Variants in DOCK4 observed in about 807,000 individuals in gnomAD.
DOCK4 encodes dedicator of cytokinesis protein 4.
Under a neutral mutation model 268.1 loss-of-function variants are expected in DOCK4, and 97 were observed. The observed-to-expected ratio is 0.36, with a 90% CI of 0.31 to 0.43. DOCK4 has a LOEUF of 0.43. DOCK4 is among the 20% of genes least tolerant of loss of function. The pLI is 1.00. For missense variants in DOCK4, 2,145 were observed against 2,455.7 expected, an observed-to-expected ratio of 0.87 and a Z score of 2.67; for synonymous variants, 954 against 887.2, an observed-to-expected ratio of 1.08 and a Z score of -1.34.
intron 8 of DOCK4, chr7:111,971,804 A>G: frequency 3.3e-6 from 1 of 299,330 alleles, no homozygotes; most frequent in East Asian, 1.0e-4. Flanking sequence ...CTTACGGGGG[A>G]TGGCTCTTTG....
chr7:111,899,256 A>T (rs1184912606), intron 15 of DOCK4, among the ~76,000 whole-genome samples: 1 of 152,232 alleles, frequency 6.6e-6, no homozygotes, highest in Non-Finnish European at 1.5e-5. Context: ...GTAAAATACA[A>T]CATCACTGTG....
chr7:111,961,227 C>T (rs1388946357), intron 8 of DOCK4, among the ~76,000 whole-genome samples: 1 of 152,156 alleles, frequency 6.6e-6, no homozygotes, highest in Admixed American at 6.5e-5. Flanking sequence ...TTGATTCCAT[C>T]TCAGCATTTT....
At chr7:111,999,357 G>A (rs1183487860) in intron 3 of DOCK4, among the ~76,000 whole-genome samples, 1 of 152,002 alleles carries the variant, frequency 6.6e-6, no homozygotes, top group East Asian at 1.9e-4. Context: ...ATATATATAT[G>A]TAGATTTTTA....
chr7:111,837,409 A>C (rs1803318552), intron 25 of DOCK4, among the ~76,000 whole-genome samples: 1 of 152,242 alleles, frequency 6.6e-6, no homozygotes, highest in African/African-American at 2.4e-5. Context: ...TAGTCAGTGC[A>C]ATAAGGCAAG....
At chr7:112,018,757 A>G (rs1057473382) in intron 1 of DOCK4, among the ~76,000 whole-genome samples, 1 of 141,012 alleles carries the variant, frequency 7.1e-6, no homozygotes, top group Non-Finnish European at 1.5e-5. Flanking sequence ...TAAAATCTTT[A>G]GAAATATTTC....
At chr7:112,181,763 G>A (rs1819065730) in intron 1 of DOCK4, among the ~76,000 whole-genome samples, 1 of 151,950 alleles carries the variant, frequency 6.6e-6, no homozygotes, top group Admixed American at 6.6e-5. Context: ...ACAGGAAGCA[G>A]GATCACAGGA....
At chr7:112,201,121 G>A (rs547632791) in intron 1 of DOCK4, among the ~76,000 whole-genome samples, 2 of 152,092 alleles carry the variant, frequency 1.3e-5, no homozygotes, top group Admixed American at 6.5e-5. Context: ...TAAGAGTAAA[G>A]GAAACACATC....
chr7:111,960,995 T>C (rs1047202940), intron 8 of DOCK4, among the ~76,000 whole-genome samples: 2 of 152,182 alleles, frequency 1.3e-5, no homozygotes, highest in Non-Finnish European at 2.9e-5. Context: ...AACATGGAAG[T>C]GCAGATATCT....
rs1413598899 is a variant in DOCK4, at chr7:111,728,623, A to G, written c.5579T>C (p.Ile1860Thr). Reference sequence around the variant, plus strand: ...CGTGCTGCACCGGCTGAGAGAAGAAATCCCACTGCTGTAGCTGCCCGACAA... The same window carrying G: ...CGTGCTGCACCGGCTGAGAGAAGAAGTCCCACTGCTGTAGCTGCCCGACAA... ...PVLSGSYSSGISSLSRCSTSE... is the reference protein window; with the variant it reads ...PVLSGSYSSGTSSLSRCSTSE... Residue 1860 changes from isoleucine to threonine, a missense_variant, in exon 53 of 53, where the codon ATT becomes ACT. Around this residue, in one of 2 missense-constraint regions of DOCK4, gnomAD observed 547 missense variants for 469.0 expected, o/e 1.17. Transcript: ENST00000428084. 8.7e-6 allele frequency: 14 copies of G among 1,613,860 alleles called. No homozygotes were observed. The highest frequency in any genetic ancestry group is 1.1e-5 in the Non-Finnish European group (13 of 1,179,896).
intron 8 of DOCK4, among the ~76,000 whole-genome samples, chr7:111,947,265 A>T (rs1051219408): frequency 1.3e-5 from 2 of 152,184 alleles, no homozygotes; most frequent in Non-Finnish European, 2.9e-5. Context: ...CCATAAACAG[A>T]TCTCTAAGGA....
At chr7:111,873,435 C>T (rs183313240) in intron 17 of DOCK4, among the ~76,000 whole-genome samples, 2 of 152,196 alleles carry the variant, frequency 1.3e-5, no homozygotes, top group Admixed American at 6.5e-5. Flanking sequence ...GTGCCGAGCA[C>T]GCGCAGGGCA....
chr7:112,000,837 T>C (rs1011355493), intron 2 of DOCK4, among the ~76,000 whole-genome samples: 10 of 152,378 alleles, frequency 6.6e-5, no homozygotes, highest in East Asian at 1.9e-4. Context: ...TTGCTTCTTA[T>C]TGTCTGTTTA....
intron 1 of DOCK4, among the ~76,000 whole-genome samples, chr7:112,056,975 A>C (rs1805871983): frequency 6.6e-6 from 1 of 152,214 alleles, no homozygotes; most frequent in Non-Finnish European, 1.5e-5. Flanking sequence ...AAAATAAGCT[A>C]CTTAGGTGAA....
At chr7:112,200,736 A>AC (rs1820854374) in intron 1 of DOCK4, among the ~76,000 whole-genome samples, 1 of 118,922 alleles carries the variant, frequency 8.4e-6, no homozygotes, top group Admixed American at 8.3e-5. Context: ...AAAAAAAAAA[A>AC]AACAAAAAAA....
At chr7:111,831,982 T>C (rs1231222487) in intron 26 of DOCK4, among the ~76,000 whole-genome samples, 1 of 152,192 alleles carries the variant, frequency 6.6e-6, no homozygotes, top group Non-Finnish European at 1.5e-5. Context: ...GTGCTAGGAA[T>C]GGTCTGGAAT....
intron 1 of DOCK4, among the ~76,000 whole-genome samples, chr7:112,073,891 A>G (rs1807827364): frequency 6.6e-6 from 1 of 152,164 alleles, no homozygotes; most frequent in Non-Finnish European, 1.5e-5. Flanking sequence ...ATATATTTTC[A>G]GAAAACTAGA....
chr7:111,806,961 T>C (rs1800720016), intron 30 of DOCK4, among the ~76,000 whole-genome samples: 1 of 152,102 alleles, frequency 6.6e-6, no homozygotes, highest in South Asian at 2.1e-4. Flanking sequence ...AGGATAAAAG[T>C]TTATGAAGTA....
chr7:112,168,945 A>T (rs951793408), intron 1 of DOCK4, among the ~76,000 whole-genome samples: 1 of 152,202 alleles, frequency 6.6e-6, no homozygotes, highest in South Asian at 2.1e-4. Context: ...TTAGAAAACT[A>T]CACATATATG....
rs565642515 is a variant in DOCK4 at position 111,844,673 on chromosome 7, C to G, written c.2736+90G>C. The G allele has an allele frequency of 3.4e-4, 504 of 1,463,776 alleles. 1 individual carries two copies. In the African/African-American group the frequency reaches 3.5e-3, roughly 10 times the overall value. 90.7% of individuals were successfully genotyped at this position (1,463,776 alleles called of 1,614,324 possible). On this transcript the variant is annotated intron_variant, in intron 25 of 52. Transcript: ENST00000428084. ...CTGATGGGTTACTCTCCTAAGGCCA[C>G]ATTTTCCAGATTATAACATCAAGCC...
Sources: gnomAD v4.1 joint callset for allele counts (sites outside exome capture counted in the v4.1 genomes callset) on GRCh38, gnomAD v4.1.1 for gene constraint, gnomAD v4.1.1 regional missense constraint, MANE v1.5 for transcripts, NCBI Gene and HGNC (gene_info 2026-07-23, HGNC 2026-07-21) for gene names.